Variants in CHRM3 observed in about 807,000 individuals in gnomAD.
CHRM3 encodes the protein muscarinic acetylcholine receptor M3.
A neutral mutation model predicts 41.8 loss-of-function variants in CHRM3; 11 were observed. That is an observed-to-expected ratio of 0.26 (90% CI 0.17 to 0.44). The LOEUF (loss-of-function observed/expected upper bound fraction) is 0.44. CHRM3 is among the 20% of genes least tolerant of loss of function. The probability of loss-of-function intolerance (pLI) is 1.00; values close to 1 mark genes in which losing one functional copy is unlikely to be tolerated. For synonymous variants in CHRM3, 297 were observed against 301.4 expected (o/e 0.99, Z 0.15); for missense variants, 571 against 745.4 (o/e 0.77, Z 2.72).
chr1:239,549,506 A>T (rs1659609719), intron 3 of CHRM3, among the ~76,000 whole-genome samples: 1 of 150,904 alleles, frequency 6.6e-6, no homozygotes, highest in South Asian at 2.1e-4. Context: ...AAAAAAAAAA[A>T]AAAAAATAGC....
At chr1:239,497,744 A>G (rs1184810521) in intron 2 of CHRM3, among the ~76,000 whole-genome samples, 1 of 152,238 alleles carries the variant, frequency 6.6e-6, no homozygotes, top group Admixed American at 6.5e-5. Flanking sequence ...ATTTGAGAAG[A>G]TCAGAAGGAG....
At chr1:239,397,573 GAGGC>G (rs1161368903) in intron 1 of CHRM3, among the ~76,000 whole-genome samples, 1 of 151,876 alleles carries the variant, frequency 6.6e-6, no homozygotes, top group Non-Finnish European at 1.5e-5. Flanking sequence ...TTGGGAGGCT[GAGGC>G]AGGAGAATCT....
At chr1:239,551,667 TC>T (rs1282680149) in intron 3 of CHRM3, among the ~76,000 whole-genome samples, 1 of 152,172 alleles carries the variant, frequency 6.6e-6, no homozygotes, top group African/African-American at 2.4e-5. Flanking sequence ...ACATGAAAGA[TC>T]ATTAAGTCCA....
chr1:239,693,434 A>G (rs566440074), intron 5 of CHRM3, among the ~76,000 whole-genome samples: 2 of 152,250 alleles, frequency 1.3e-5, no homozygotes, highest in South Asian at 4.1e-4. Context: ...AGAGAGCCCT[A>G]ACCAGAAACC....
At chr1:239,595,304 C>G (rs1428726708) in intron 3 of CHRM3, among the ~76,000 whole-genome samples, 1 of 152,274 alleles carries the variant, frequency 6.6e-6, no homozygotes, top group East Asian at 1.9e-4. Flanking sequence ...CGGACTTGAG[C>G]ATCCCCAGGT....
At chr1:239,444,155 C>T (rs781571624) in intron 1 of CHRM3, among the ~76,000 whole-genome samples, 2 of 152,106 alleles carry the variant, frequency 1.3e-5, no homozygotes, top group African/African-American at 2.4e-5. Context: ...ATGAGGAAAA[C>T]GCCCGAGGCT....
chr1:239,545,936 A>G (rs1036485777), intron 3 of CHRM3, 187 bp downstream of exon 3: 1 of 152,182 alleles, frequency 6.6e-6, no homozygotes, highest in Non-Finnish European at 1.5e-5. Context: ...AGCTGTATCT[A>G]TTAGGTATAA....
chr1:239,505,612 C>G (rs965178409), intron 2 of CHRM3, among the ~76,000 whole-genome samples: 1 of 152,170 alleles, frequency 6.6e-6, no homozygotes, highest in Admixed American at 6.5e-5. Context: ...ATGGCCCAGT[C>G]TCGGATGTGT....
chr1:239,466,202 C>G (rs1364078250), intron 1 of CHRM3, among the ~76,000 whole-genome samples: 1 of 152,028 alleles, frequency 6.6e-6, no homozygotes, highest in African/African-American at 2.4e-5. Flanking sequence ...ACCATGTTGG[C>G]CAGGGTGGCC....
intron 6 of CHRM3, among the ~76,000 whole-genome samples, chr1:239,852,306 TG>T (rs1674759987): frequency 6.6e-6 from 1 of 152,194 alleles, no homozygotes; most frequent in Non-Finnish European, 1.5e-5. Context: ...AGGCACTGCC[TG>T]TAACTACAAT....
At chr1:239,504,051 C>A (rs1258789421) in intron 2 of CHRM3, among the ~76,000 whole-genome samples, 1 of 151,850 alleles carries the variant, frequency 6.6e-6, no homozygotes, top group Non-Finnish European at 1.5e-5. Flanking sequence ...TCAATAAAAA[C>A]AAAAAATATT....
rs552359891 is a variant in CHRM3 at position 239,899,582 on chromosome 1, T to C, written c.-19-7851T>C. On this transcript the variant is annotated intron_variant, in intron 6 of 6. Coordinates refer to ENST00000676153, the MANE Select transcript of CHRM3 (RefSeq NM_001375978.1). ...TGTGTGTAGTGTGTGTGTATATATA[T>C]AGTAAGTTCAACATGCAATGTATAT... 3.9e-5 allele frequency among the ~76,000 whole-genome samples: 6 copies of C among 151,936 alleles called. No homozygotes were observed. The East Asian group carries it at 1.2e-3, about 29-fold the overall frequency.
chr1:239,437,954 G>A (rs138543522), intron 1 of CHRM3, among the ~76,000 whole-genome samples: 325 of 152,278 alleles, frequency 2.1e-3, no homozygotes, highest in Middle Eastern at 6.8e-3. Flanking sequence ...TTTGCTCAGT[G>A]GGTGAGTATG....
chr1:239,884,610 A>G (rs1258952532), intron 6 of CHRM3, among the ~76,000 whole-genome samples: 2 of 152,168 alleles, frequency 1.3e-5, no homozygotes, highest in Admixed American at 1.3e-4. Flanking sequence ...TTTGAGACTG[A>G]TTTGGTTCAC....
At chr1:239,521,745 T>C (rs1488704668) in intron 2 of CHRM3, among the ~76,000 whole-genome samples, 6 of 151,980 alleles carry the variant, frequency 3.9e-5, no homozygotes, top group Non-Finnish European at 8.8e-5. Context: ...TCAGATTTAG[T>C]ATACTAAAAA....
At chr1:239,415,558 A>G (rs941403292) in intron 1 of CHRM3, among the ~76,000 whole-genome samples, 1 of 152,244 alleles carries the variant, frequency 6.6e-6, no homozygotes, top group Non-Finnish European at 1.5e-5. Flanking sequence ...AGGAAAATAT[A>G]AAGTTGTAAA....
intron 1 of CHRM3, among the ~76,000 whole-genome samples, chr1:239,464,756 G>A (rs12120600): frequency 0.16 from 24,475 of 151,994 alleles, 2,411 homozygotes; most frequent in Non-Finnish European, 0.2. Context: ...CTTTCTCCTG[G>A]AGCTCTCATT....
At chr1:239,682,013 T>C (rs901019026) in intron 5 of CHRM3, among the ~76,000 whole-genome samples, 2 of 152,220 alleles carry the variant, frequency 1.3e-5, no homozygotes, top group African/African-American at 2.4e-5. Context: ...TTTATCCAAA[T>C]AATATGCCCG....
chr1:239,746,695 CTGTT>C (rs879580978), intron 5 of CHRM3, among the ~76,000 whole-genome samples: 1 of 152,026 alleles, frequency 6.6e-6, no homozygotes, highest in Non-Finnish European at 1.5e-5. Context: ...TTTCTTTTGT[CTGTT>C]TGCCTTCTCA....
Sources: allele counts gnomAD v4.1 joint callset (sites outside exome capture counted in the v4.1 genomes callset), GRCh38; gene constraint gnomAD v4.1.1; transcripts MANE v1.5; gene names NCBI Gene and HGNC (gene_info 2026-07-23, HGNC 2026-07-21).